Variants in ANKRD11 observed in about 807,000 individuals in gnomAD.
The protein encoded by ANKRD11 is ankyrin repeat domain-containing protein 11.
In ANKRD11, 17 loss-of-function variants were observed where a neutral mutation model predicts 195.7. The observed-to-expected ratio is 0.09, with a 90% CI of 0.06 to 0.13. The LOEUF (loss-of-function observed/expected upper bound fraction) is 0.13. Ranked by LOEUF, ANKRD11 falls within the 10% of genes least tolerant of loss-of-function variation. The pLI is 1.00. For synonymous variants in ANKRD11, 1,953 were observed against 1,528.1 expected, an observed-to-expected ratio of 1.28 and a Z score of -6.49; for missense variants, 3,735 against 3,566.1, an observed-to-expected ratio of 1.05 and a Z score of -1.21.
chr16:89,432,428 T>A (rs1567797439), intron 1 of ANKRD11, among the ~76,000 whole-genome samples: 2 of 152,074 alleles, frequency 1.3e-5, no homozygotes, highest in Non-Finnish European at 1.5e-5. Context: ...TGCACTGTGT[T>A]GAGGGGTGCT....
intron 1 of ANKRD11, among the ~76,000 whole-genome samples, chr16:89,438,826 G>A (rs1318296122): frequency 6.6e-6 from 1 of 152,034 alleles, no homozygotes; most frequent in African/African-American, 2.4e-5. Flanking sequence ...AGCAACATGT[G>A]AGACCGCATC....
chr16:89,394,666 G>A (rs530089225), intron 2 of ANKRD11, among the ~76,000 whole-genome samples: 1 of 150,026 alleles, frequency 6.7e-6, no homozygotes, highest in East Asian at 1.9e-4. Context: ...GTGGAAAAAC[G>A]AGTGTATTTT....
intron 1 of ANKRD11, among the ~76,000 whole-genome samples, chr16:89,445,497 C>A (rs2043745527): frequency 6.6e-6 from 1 of 152,046 alleles, no homozygotes; most frequent in African/African-American, 2.4e-5. Flanking sequence ...GTGCCCCAGC[C>A]CCAAGGAGCC....
intron 2 of ANKRD11, among the ~76,000 whole-genome samples, chr16:89,354,320 T>C (rs2039369277): frequency 6.6e-6 from 1 of 152,038 alleles, no homozygotes; most frequent in African/African-American, 2.4e-5. Context: ...TCCTTTTCCT[T>C]CTCACTGTCA....
At chr16:89,402,882 G>A (rs1048463165) in intron 2 of ANKRD11, among the ~76,000 whole-genome samples, 6 of 151,922 alleles carry the variant, frequency 3.9e-5, no homozygotes, top group East Asian at 1.9e-4. Context: ...AGGCTCTCCC[G>A]GGGGAAGGAG....
chr16:89,386,945 A>G (rs976023818), intron 2 of ANKRD11, among the ~76,000 whole-genome samples: 1 of 151,790 alleles, frequency 6.6e-6, no homozygotes, highest in African/African-American at 2.4e-5. Context: ...AAGGGCATGA[A>G]GGGCTTGGCA....
chr16:89,434,585 C>T (rs770007873), intron 1 of ANKRD11, among the ~76,000 whole-genome samples: 2 of 152,206 alleles, frequency 1.3e-5, no homozygotes, highest in Non-Finnish European at 2.9e-5. Flanking sequence ...AGCTAATCAG[C>T]AGAAGGAAAG....
At chr16:89,269,536 A>C (rs771309758) in intron 12 of ANKRD11, among the ~76,000 whole-genome samples, 26 of 151,950 alleles carry the variant, frequency 1.7e-4, no homozygotes, top group East Asian at 3.9e-4. Context: ...TGGATGTTCC[A>C]AACTCCGGTG....
rs943323468 is a variant in ANKRD11 at position 89,284,238 on chromosome 16, T to G, written c.2304A>C (p.Lys768Asn). 1 of 1,613,236 alleles carries G rather than the reference T, an allele frequency of 6.2e-7. No homozygotes were observed. Among genetic ancestry groups the G allele is most frequent in the African/African-American group, 1.3e-5 (1 of 74,898 alleles). The change falls in exon 9 of 13, where the codon AAA (lysine) becomes AAC (asparagine). Residue 768 changes from lysine (K) to asparagine (N), a missense_variant. Lys to Asn is a moderately conservative substitution (Grantham distance 94). Transcript: ENST00000301030. ...CTAATTTTGAGGGCCGGTCTTTTGA[T>G]TTCTTCTTTCTCTCCTCTTTGTACA... is the stretch of plus-strand genomic sequence containing the variant. ...LRLYKEERKKKSKDRPSKLEK... is the reference protein window; with the variant it reads ...LRLYKEERKKNSKDRPSKLEK...
In ANKRD11 at chr16:89,284,290, T is replaced by A; in HGVS notation, c.2252A>T (p.Lys751Met). 1 of 1,613,932 alleles carries A rather than the reference T, an allele frequency of 6.2e-7. No homozygotes were observed. Among genetic ancestry groups the A allele is most frequent in the Non-Finnish European group, 8.5e-7 (1 of 1,180,022 alleles). ...TCTCAGTTTTTCTTCTTTCGGAGAC[T>A]TTTCCTTCAGCGATCTCTCCTTTTC... ...KAEKERSLKE[K>M]SPKEEKLRLY... The change falls in exon 9 of 13, where the codon AAG becomes ATG. Residue 751 changes from lysine to methionine, a missense_variant. Transcript: ENST00000301030.
chr16:89,277,710 C>G (rs2033775889), intron 9 of ANKRD11: 1 of 152,288 alleles, frequency 6.6e-6, no homozygotes, highest in African/African-American at 2.4e-5. Context: ...GGGTGCAGTG[C>G]CCCTCGTGCT....
chr16:89,268,739 A>G, intron 12 of ANKRD11, 76 bp from the exon 13 acceptor site: 1 of 1,512,588 alleles, frequency 6.6e-7, no homozygotes, highest in East Asian at 2.5e-5. Context: ...CTCAGCTGCC[A>G]GCAGGGCCAA....
intron 3 of ANKRD11, among the ~76,000 whole-genome samples, chr16:89,309,103 G>A (rs1394031385): frequency 6.6e-6 from 1 of 152,144 alleles, no homozygotes; most frequent in Non-Finnish European, 1.5e-5. Context: ...ACACCACCAT[G>A]TGACGCCACC....
At chr16:89,278,615 G>A (rs990636909) in intron 9 of ANKRD11, 13 of 459,160 alleles carry the variant, frequency 2.8e-5, no homozygotes, top group Middle Eastern at 6.8e-4. Flanking sequence ...AAGCCCAAGG[G>A]AGGAGGTGGG....
chr16:89,433,704 G>A (rs1597390277), intron 1 of ANKRD11, among the ~76,000 whole-genome samples: 1 of 145,722 alleles, frequency 6.9e-6, no homozygotes, highest in South Asian at 2.3e-4. Flanking sequence ...GGCTGGGCAC[G>A]CCACCTTCAC....
At chr16:89,473,456 G>C (rs2057156077) in intron 1 of ANKRD11, among the ~76,000 whole-genome samples, 1 of 152,186 alleles carries the variant, frequency 6.6e-6, no homozygotes, top group South Asian at 2.1e-4. Flanking sequence ...AAGCCTGAGA[G>C]GCAGGCAGGA....
chr16:89,322,196 T>C (rs980693698), intron 2 of ANKRD11, among the ~76,000 whole-genome samples: 4 of 152,208 alleles, frequency 2.6e-5, no homozygotes, highest in African/African-American at 9.7e-5. Flanking sequence ...TTGCTGTAAT[T>C]TGTATTAAAA....
At position 89,439,851 on chromosome 16, in the gene ANKRD11, C is replaced by T. The variant is rs115278935; in HGVS notation, c.-144-21483G>A. ...CCAACAGAGCCAGCTGTAAGCTCAA[C>T]TCTAACACTACCCACAGTGCAGCTG... is the stretch of plus-strand genomic sequence containing the variant. On this transcript the variant is annotated intron_variant, in intron 1 of 12. Transcript: ENST00000301030. Among the ~76,000 whole-genome samples, 503 of 152,336 alleles carry T rather than the reference C, an allele frequency of 3.3e-3. 2 individuals are homozygous for T. The highest frequency in any genetic ancestry group is 0.012 in the African/African-American group (487 of 41,570).
chr16:89,442,704 C>T (rs8056011), intron 1 of ANKRD11, among the ~76,000 whole-genome samples: 4,086 of 152,324 alleles, frequency 0.027, 191 homozygotes, highest in African/African-American at 0.093. Flanking sequence ...TCCCCACCAC[C>T]CACCAGGAAT....
Sources: gnomAD v4.1 joint callset for allele counts (sites outside exome capture counted in the v4.1 genomes callset) on GRCh38, gnomAD v4.1.1 for gene constraint, MANE v1.5 for transcripts, NCBI Gene and HGNC (gene_info 2026-07-23, HGNC 2026-07-21) for gene names.